Variants in DIAPH2 observed in about 807,000 individuals in gnomAD.
DIAPH2 encodes protein diaphanous homolog 2.
Under a neutral mutation model 92.7 loss-of-function variants are expected in DIAPH2, and 35 were observed. The observed-to-expected ratio is 0.38, with a 90% CI of 0.29 to 0.50. DIAPH2 has a LOEUF of 0.50. Among genes scored for constraint, DIAPH2 ranks in the 20% least tolerant of loss-of-function variants. The probability of loss-of-function intolerance (pLI) is 0.94; values close to 1 mark genes in which losing one functional copy is unlikely to be tolerated. For missense variants in DIAPH2, 701 were observed against 819.5 expected, an observed-to-expected ratio of 0.86 and a Z score of 1.77; for synonymous variants, 301 against 280.4, an observed-to-expected ratio of 1.07 and a Z score of -0.73.
intron 23 of DIAPH2, among the ~76,000 whole-genome samples, chrX:97,286,127 G>T (rs1283631431): frequency 9.7e-6 from 1 of 103,603 alleles, no homozygotes; most frequent in Non-Finnish European, 1.9e-5. Context: ...TGCAACTTCT[G>T]CCTCCCGGGT....
intron 1 of DIAPH2, among the ~76,000 whole-genome samples, chrX:96,706,371 C>G (rs1304616743): frequency 8.9e-6 from 1 of 112,124 alleles, no homozygotes. Context: ...AAGAACTACA[C>G]AGAAACTATG....
At chrX:97,055,141 G>A (rs764950974) in intron 17 of DIAPH2, among the ~76,000 whole-genome samples, 59 of 101,983 alleles carry the variant, frequency 5.8e-4, no homozygotes, top group African/African-American at 2.0e-3. Context: ...TTATTCTGTT[G>A]TCTGGGCTCA....
intron 10 of DIAPH2, among the ~76,000 whole-genome samples, chrX:96,933,524 G>A (rs1205929325): frequency 9.6e-6 from 1 of 104,197 alleles, no homozygotes. Context: ...ATATATATAT[G>A]TGTGTGTATA....
chrX:96,921,415 C>T (rs763036693), intron 9 of DIAPH2, among the ~76,000 whole-genome samples: 1 of 111,846 alleles, frequency 8.9e-6, no homozygotes, highest in East Asian at 2.8e-4. Context: ...CCAGCAGCTT[C>T]TTTTGATCTG....
chrX:97,358,791 A>C (rs775390839), intron 24 of DIAPH2, among the ~76,000 whole-genome samples: 8 of 111,860 alleles, frequency 7.2e-5, no homozygotes, highest in African/African-American at 2.6e-4. Flanking sequence ...CAATTCCACT[A>C]TCCAGAGTTA....
intron 15 of DIAPH2, among the ~76,000 whole-genome samples, chrX:96,957,406 C>T (rs1165922139): frequency 8.9e-6 from 1 of 111,763 alleles, no homozygotes; most frequent in African/African-American, 3.3e-5. Context: ...CCAATCATGG[C>T]CAAAGGGGAA....
intron 4 of DIAPH2, among the ~76,000 whole-genome samples, chrX:96,765,360 G>A (rs2064296803): frequency 9.2e-6 from 1 of 109,114 alleles, no homozygotes; most frequent in Admixed American, 9.8e-5. Flanking sequence ...ACCATGCCCA[G>A]CTAATTTTTG....
rs147226245 is a variant in DIAPH2, at chrX:97,558,129, A to G, written c.3242-41124A>G. Among the ~76,000 whole-genome samples, 927 of 112,039 alleles carry G rather than the reference A, an allele frequency of 8.3e-3. 15 individuals carry two copies. Among genetic ancestry groups the G allele is most frequent in the African/African-American group, 0.028 (879 of 30,843 alleles). On this transcript the variant is annotated intron_variant, in intron 26 of 26. Coordinates refer to ENST00000324765, the MANE Select transcript of DIAPH2 (RefSeq NM_006729.5). The stretch of plus-strand genomic sequence containing the variant: ...TCCTAAGTAGCAGGAATTCAAAGAC[A>G]TGACAAGGGCACATTCATGTCCTCT...
chrX:97,546,904 T>C (rs1251813226), intron 26 of DIAPH2, among the ~76,000 whole-genome samples: 1 of 111,541 alleles, frequency 9.0e-6, no homozygotes, highest in Non-Finnish European at 1.9e-5. Context: ...TCTTTCTGTG[T>C]AGTATGACTA....
intron 26 of DIAPH2, among the ~76,000 whole-genome samples, chrX:97,571,181 C>T (rs1249657035): frequency 9.0e-6 from 1 of 111,031 alleles, no homozygotes; most frequent in East Asian, 2.8e-4. Flanking sequence ...GATAAAAAGC[C>T]ACCCAAGAAA....
intron 19 of DIAPH2, among the ~76,000 whole-genome samples, chrX:97,089,231 C>G (rs188225501): frequency 7.2e-4 from 80 of 111,636 alleles, no homozygotes; most frequent in African/African-American, 2.4e-3. Flanking sequence ...CCCTTTGGAC[C>G]GGAGGTGTCA....
chrX:97,199,411 TC>T (rs1309211458), intron 22 of DIAPH2, among the ~76,000 whole-genome samples: 3 of 111,698 alleles, frequency 2.7e-5, no homozygotes, highest in Non-Finnish European at 5.6e-5. Flanking sequence ...TGTATCTGTA[TC>T]TTTTTATTAA....
chrX:97,116,540 C>T (rs1194548717), intron 21 of DIAPH2, among the ~76,000 whole-genome samples: 1 of 111,269 alleles, frequency 9.0e-6, no homozygotes, highest in African/African-American at 3.3e-5. Flanking sequence ...TACCATATCC[C>T]CAATGTTAAT....
chrX:97,512,084 G>A (rs1322968909), intron 26 of DIAPH2, among the ~76,000 whole-genome samples: 1 of 112,984 alleles, frequency 8.9e-6, no homozygotes, highest in African/African-American at 3.3e-5. Flanking sequence ...AGAAGGAATG[G>A]TACCAGTTCC....
At chrX:97,080,039 G>C (rs1156382804) in intron 19 of DIAPH2, among the ~76,000 whole-genome samples, 1 of 111,186 alleles carries the variant, frequency 9.0e-6, no homozygotes, top group Admixed American at 9.5e-5. Flanking sequence ...TCCCTTATAA[G>C]GGACATCTGC....
chrX:97,093,533 T>C (rs755501716), intron 19 of DIAPH2, among the ~76,000 whole-genome samples: 15 of 112,322 alleles, frequency 1.3e-4, no homozygotes, highest in South Asian at 3.7e-4. Context: ...TCAATACTCA[T>C]AGTCATTAAT....
At position 96,806,662 on chromosome X, in the gene DIAPH2, AAAG is replaced by A. The variant is rs1240571399; in HGVS notation, c.447+48407_447+48409del. 5.2e-4 allele frequency among the ~76,000 whole-genome samples: 55 copies of A among 104,856 alleles called. 3 individuals are homozygous for A. Among genetic ancestry groups the A allele is most frequent in the African/African-American group, 8.2e-4 (23 of 28,183 alleles). The allele number at this position is 104,856 out of a possible 115,157, so 91.1% of individuals were successfully genotyped here. On this transcript the variant is annotated intron_variant, in intron 4 of 26. Coordinates refer to ENST00000324765, the MANE Select transcript of DIAPH2 (RefSeq NM_006729.5). ...ACTCCATCTCAAAAAAAAAAAAAAA[AAAG>A]AAACAAAGAAATTATATTTCATTTG...
At chrX:96,939,550 A>ATATT in intron 12 of DIAPH2, among the ~76,000 whole-genome samples, 168 bp downstream of exon 12, 1 of 72,649 alleles carries the variant, frequency 1.4e-5, no homozygotes, top group Non-Finnish European at 2.6e-5. Context: ...ATGTATGTAT[A>ATATT]TATGTATATA....
At chrX:97,187,280 C>CTTTTTTTTT (rs1569323905) in intron 22 of DIAPH2, among the ~76,000 whole-genome samples, 9 of 10,203 alleles carry the variant, frequency 8.8e-4, no homozygotes, top group Admixed American at 2.4e-3. Context: ...AATTAAGTAG[C>CTTTTTTTTT]CTTTTTTTTT....
Sources: gnomAD v4.1 joint callset for allele counts (sites outside exome capture counted in the v4.1 genomes callset) on GRCh38, gnomAD v4.1.1 for gene constraint, MANE v1.5 for transcripts, NCBI Gene and HGNC (gene_info 2026-07-23, HGNC 2026-07-21) for gene names.